The following XXYLT1 variants were observed in gnomAD, a reference collection of about 807,000 sequenced individuals.
The protein encoded by XXYLT1 is UDP-xylose:alpha-xyloside alpha-1,3-xylosyltransferase.
XXYLT1 carries 20 observed loss-of-function variants against 28.9 expected under a neutral mutation model. The observed-to-expected ratio is 0.69, with a 90% CI of 0.49 to 1.00. The LOEUF is 1.00. Ranked by LOEUF, XXYLT1 falls within the 50% of genes least tolerant of loss-of-function variation. The pLI, the probability that XXYLT1 is intolerant of heterozygous loss-of-function variation, is 0.00. For missense variants in XXYLT1, 542 were observed against 560.1 expected (o/e 0.97, Z 0.33); for synonymous variants, 257 against 253.8 (o/e 1.01, Z -0.12).
chr3:195,148,069 C>G (rs535690353), intron 3 of XXYLT1: 1 of 152,272 alleles, frequency 6.6e-6, no homozygotes, highest in Non-Finnish European at 1.5e-5. Flanking sequence ...GACGTCATCC[C>G]GGAGCTCCTA....
rs957711696 is a variant in XXYLT1 at position 195,077,756 on chromosome 3, G to A, written c.786-7645C>T. Among the ~76,000 whole-genome samples the A allele has an allele frequency of 6.6e-6, 1 of 152,190 alleles. No individual in the cohort carries two copies. Among genetic ancestry groups the A allele is most frequent in the African/African-American group, 2.4e-5 (1 of 41,448 alleles). On this transcript the variant is annotated intron_variant, in intron 3 of 3. Transcript: ENST00000310380. The surrounding 1 kb of genome is among the most constrained non-coding windows in gnomAD (Gnocchi z 4.8). ...TTCTCCAGAGCCCTGCAGAAGGGCA[G>A]CTGGCAGGCCTGAGGCCTCCACATG...
intron 3 of XXYLT1, among the ~76,000 whole-genome samples, chr3:195,114,596 C>T (rs1577046381): frequency 6.6e-6 from 1 of 152,174 alleles, no homozygotes; most frequent in East Asian, 1.9e-4. Context: ...AAAGTTCCTG[C>T]TCATGACAGT....
intron 3 of XXYLT1, among the ~76,000 whole-genome samples, chr3:195,071,579 T>C (rs1200126450): frequency 2.6e-5 from 4 of 152,214 alleles, no homozygotes; most frequent in African/African-American, 9.6e-5. Context: ...AACCGAGCTC[T>C]GGTGCCTGCC....
At chr3:195,145,331 T>A (rs1719779251) in intron 3 of XXYLT1, among the ~76,000 whole-genome samples, 1 of 151,252 alleles carries the variant, frequency 6.6e-6, no homozygotes, top group Admixed American at 6.6e-5. Flanking sequence ...CGAGCATCTC[T>A]GTGAAGCCAC....
intron 2 of XXYLT1, among the ~76,000 whole-genome samples, chr3:195,171,936 G>C (rs900786928): frequency 6.6e-6 from 1 of 152,196 alleles, no homozygotes; most frequent in Non-Finnish European, 1.5e-5. Context: ...AATCTTAAAA[G>C]AATTCCCAAG....
Position 195,068,932 on chromosome 3 carries a change from C to T in XXYLT1, c.*783G>A, listed in dbSNP as rs1214666389. ...GGTCCCGACAGTTCTCCTGCATGTC[C>T]TTGTGGTGGCCAGTCTCTGTTCTTT... On this transcript the variant is annotated 3_prime_UTR_variant, in exon 4 of 4. Coordinates refer to ENST00000310380, the MANE Select transcript of XXYLT1 (RefSeq NM_152531.5). The T allele has an allele frequency of 6.6e-6, 1 of 152,128 alleles. No individual in the cohort carries two copies. The highest frequency in any genetic ancestry group is 1.9e-4 in the East Asian group (1 of 5,188). The allele number at this position is 152,128 out of a possible 1,614,324, so 9.4% of individuals were successfully genotyped here. A position where few individuals can be genotyped will look rare whatever the true frequency, so the allele number is the denominator to read the frequency against.
chr3:195,192,548 A>G (rs987828794), intron 2 of XXYLT1, among the ~76,000 whole-genome samples: 1 of 152,252 alleles, frequency 6.6e-6, no homozygotes, highest in African/African-American at 2.4e-5. Flanking sequence ...CCTAAACTCT[A>G]TCTATCAATA....
intron 3 of XXYLT1, among the ~76,000 whole-genome samples, chr3:195,075,716 G>A (rs1310321494): frequency 6.6e-6 from 1 of 152,224 alleles, no homozygotes; most frequent in Non-Finnish European, 1.5e-5. Context: ...ACACTAAGCA[G>A]GTGGCAGGCA....
chr3:195,220,658 G>A (rs1416660419), intron 2 of XXYLT1, among the ~76,000 whole-genome samples: 1 of 152,152 alleles, frequency 6.6e-6, no homozygotes, highest in East Asian at 1.9e-4. Flanking sequence ...ATTAAGAGAC[G>A]ATCAGACGCA....
intron 3 of XXYLT1, among the ~76,000 whole-genome samples, chr3:195,107,563 A>AGAGGAGGAGGGG (rs1262773678): frequency 4.8e-4 from 1 of 2,082 alleles, no homozygotes; most frequent in African/African-American, 2.0e-3. Context: ...GAAGAGGGGG[A>AGAGGAGGAGGGG]GAGGAGGAGG....
chr3:195,108,776 C>A (rs940409725), intron 3 of XXYLT1, among the ~76,000 whole-genome samples: 6 of 152,184 alleles, frequency 3.9e-5, no homozygotes, highest in African/African-American at 1.4e-4. Flanking sequence ...GTATTATAAT[C>A]GGACGGGACC....
At chr3:195,162,995 T>TG (rs916747326) in intron 2 of XXYLT1, among the ~76,000 whole-genome samples, 5 of 149,490 alleles carry the variant, frequency 3.3e-5, no homozygotes, top group African/African-American at 1.3e-4. Flanking sequence ...AAGTTTTTGG[T>TG]TTTTTTTTGT....
At chr3:195,161,619 T>G (rs1391229729) in intron 2 of XXYLT1, among the ~76,000 whole-genome samples, 1 of 149,140 alleles carries the variant, frequency 6.7e-6, no homozygotes, top group African/African-American at 2.5e-5. Flanking sequence ...CTCTATGAGA[T>G]ATATAGATAT....
At chr3:195,206,860 G>T (rs1448659766) in intron 2 of XXYLT1, among the ~76,000 whole-genome samples, 1 of 152,158 alleles carries the variant, frequency 6.6e-6, no homozygotes, top group African/African-American at 2.4e-5. Flanking sequence ...AAGGCGATGG[G>T]TGGGAGTCGA....
At chr3:195,206,513 A>C (rs1274123228) in intron 2 of XXYLT1, among the ~76,000 whole-genome samples, 1 of 151,982 alleles carries the variant, frequency 6.6e-6, no homozygotes, top group East Asian at 1.9e-4. Flanking sequence ...TCACACCTGC[A>C]ATCCCAGCAC....
chr3:195,113,392 C>G (rs1321348611), intron 3 of XXYLT1, among the ~76,000 whole-genome samples: 1 of 152,122 alleles, frequency 6.6e-6, no homozygotes, highest in African/African-American at 2.4e-5. Context: ...AGGCACCGTT[C>G]CAAGAAGCTG....
At chr3:195,112,876 CA>C (rs1717851955) in intron 3 of XXYLT1, among the ~76,000 whole-genome samples, 1 of 150,884 alleles carries the variant, frequency 6.6e-6, no homozygotes, top group Admixed American at 6.6e-5. Context: ...TGCATGCACA[CA>C]TGTGCGCACA....
intron 2 of XXYLT1, among the ~76,000 whole-genome samples, chr3:195,170,616 C>T (rs1349168890): frequency 6.6e-6 from 1 of 152,202 alleles, no homozygotes; most frequent in East Asian, 1.9e-4. Context: ...TACATTTCCC[C>T]ATCTCTTCTT....
chr3:195,267,271 G>A (rs1415183628), intron 1 of XXYLT1, among the ~76,000 whole-genome samples: 2 of 152,214 alleles, frequency 1.3e-5, no homozygotes, highest in Admixed American at 1.3e-4. Flanking sequence ...GAGCCCCCAG[G>A]CTATCTTCAG....
Sources: allele counts gnomAD v4.1 joint callset (sites outside exome capture counted in the v4.1 genomes callset), GRCh38; gene constraint gnomAD v4.1.1; non-coding constraint Gnocchi (gnomAD v3.1); transcripts MANE v1.5; gene names NCBI Gene and HGNC (gene_info 2026-07-23, HGNC 2026-07-21).